BABAM2: variants seen among roughly 807,000 people sequenced by gnomAD.
BABAM2 encodes BRISC and BRCA1 A complex member 2, also known as BRISC and BRCA1-A complex member 2.
A neutral mutation model predicts 54.7 loss-of-function variants in BABAM2; 31 were observed. The ratio of observed to expected loss-of-function variants is 0.57; its 90% CI spans 0.43 to 0.77. The LOEUF (loss-of-function observed/expected upper bound fraction) is 0.77. Ranked by LOEUF, BABAM2 falls within the 30% of genes least tolerant of loss-of-function variation. BABAM2 has a pLI of 0.00. For missense variants in BABAM2, 364 were observed against 455.8 expected, an observed-to-expected ratio of 0.80 and a Z score of 1.83; for synonymous variants, 167 against 162.9, an observed-to-expected ratio of 1.03 and a Z score of -0.19.
intron 4 of BABAM2, among the ~76,000 whole-genome samples, chr2:28,012,229 A>G (rs923913660): frequency 6.6e-6 from 1 of 152,190 alleles, no homozygotes; most frequent in Non-Finnish European, 1.5e-5. Flanking sequence ...AAATTTAAAT[A>G]CTTCCCCAGG....
chr2:28,192,369 A>T (rs1677010857), intron 7 of BABAM2, among the ~76,000 whole-genome samples: 1 of 152,036 alleles, frequency 6.6e-6, no homozygotes, highest in Non-Finnish European at 1.5e-5. Flanking sequence ...GAGAAGCTGC[A>T]CACCAACATG....
chr2:28,024,050 A>G (rs371793943), intron 4 of BABAM2, among the ~76,000 whole-genome samples: 8 of 151,864 alleles, frequency 5.3e-5, no homozygotes, highest in African/African-American at 1.9e-4. Context: ...AGCTATACTC[A>G]TGGTTATTTT....
At chr2:28,253,784 C>G (rs1246321262) in intron 10 of BABAM2, among the ~76,000 whole-genome samples, 2 of 152,172 alleles carry the variant, frequency 1.3e-5, no homozygotes, top group Non-Finnish European at 2.9e-5. Context: ...TATCTCATCT[C>G]TCAGGAATGG....
At chr2:28,016,679 G>C (rs966103248) in intron 4 of BABAM2, among the ~76,000 whole-genome samples, 2 of 152,166 alleles carry the variant, frequency 1.3e-5, no homozygotes, top group Non-Finnish European at 2.9e-5. Flanking sequence ...GCTTACAAGG[G>C]GGAAGAGAAT....
intron 4 of BABAM2, among the ~76,000 whole-genome samples, chr2:28,011,162 A>G (rs1674365925): frequency 6.6e-6 from 1 of 152,178 alleles, no homozygotes; most frequent in African/African-American, 2.4e-5. Flanking sequence ...CAAGAGGGGA[A>G]TGGATGTTGG....
intron 8 of BABAM2, among the ~76,000 whole-genome samples, chr2:28,238,486 T>C (rs1217452173): frequency 6.6e-6 from 1 of 152,238 alleles, no homozygotes; most frequent in Non-Finnish European, 1.5e-5. Flanking sequence ...AGCTCACTTC[T>C]ATATAGAAAA....
At chr2:28,146,646 G>A (rs1176258781) in intron 7 of BABAM2, among the ~76,000 whole-genome samples, 1 of 152,152 alleles carries the variant, frequency 6.6e-6, no homozygotes, top group Non-Finnish European at 1.5e-5. Context: ...AATGTTGAGT[G>A]GCTGCAACTA....
intron 4 of BABAM2, chr2:28,016,579 T>G: frequency 1.8e-6 from 1 of 547,270 alleles, no homozygotes; most frequent in South Asian, 1.8e-5. Context: ...TCTAATTAAC[T>G]TCTGTACATC....
intron 7 of BABAM2, among the ~76,000 whole-genome samples, chr2:28,192,817 C>T (rs540027661): frequency 9.9e-5 from 15 of 152,060 alleles, no homozygotes; most frequent in Admixed American, 2.6e-4. Context: ...CCACCACGCC[C>T]GGCCTATAGC....
At chr2:28,177,730 A>G (rs1331314345) in intron 7 of BABAM2, among the ~76,000 whole-genome samples, 1 of 151,902 alleles carries the variant, frequency 6.6e-6, no homozygotes, top group African/African-American at 2.4e-5. Flanking sequence ...TGACCCAATT[A>G]TATGCTGCCT....
chr2:28,058,158 C>G (rs1468811379), intron 6 of BABAM2, among the ~76,000 whole-genome samples: 1 of 151,540 alleles, frequency 6.6e-6, no homozygotes, highest in Non-Finnish European at 1.5e-5. Context: ...AAAAAAGAAG[C>G]TAGACAGAAA....
In BABAM2 at chr2:28,034,557, T is replaced by C. The variant is rs138789444; in HGVS notation, c.495+9137T>C. Among the ~76,000 whole-genome samples the C allele has an allele frequency of 2.8e-3, 422 of 152,260 alleles. 2 individuals are homozygous for C. Among genetic ancestry groups the C allele is most frequent in the African/African-American group, 9.9e-3 (411 of 41,562 alleles). On this transcript the variant is annotated intron_variant, in intron 5 of 11. Transcript: ENST00000379624. Reference sequence around the variant, plus strand: ...TCATAAAGTTACCATATGTGACCAATAGAGGCTGTGACCTCCAAGGTGCAG... The same window carrying C: ...TCATAAAGTTACCATATGTGACCAACAGAGGCTGTGACCTCCAAGGTGCAG...
chr2:27,942,521 C>CA (rs1668973935), intron 3 of BABAM2, among the ~76,000 whole-genome samples: 1 of 150,652 alleles, frequency 6.6e-6, no homozygotes. Context: ...CCACCACACC[C>CA]GCTAATTTTT....
intron 9 of BABAM2, among the ~76,000 whole-genome samples, chr2:28,242,201 G>A (rs992146261): frequency 1.7e-4 from 26 of 152,158 alleles, no homozygotes; most frequent in Non-Finnish European, 3.2e-4. Context: ...GGACTCCACT[G>A]CCAACAGTGC....
intron 7 of BABAM2, among the ~76,000 whole-genome samples, chr2:28,150,057 G>T (rs1226918187): frequency 6.6e-6 from 1 of 152,228 alleles, no homozygotes; most frequent in East Asian, 1.9e-4. Context: ...AACAGCAGAA[G>T]AGAGAAGGAA....
chr2:27,972,151 C>T lies in BABAM2; in HGVS notation c.206-15842C>T, dbSNP rs531277147. Among the ~76,000 whole-genome samples the T allele has an allele frequency of 9.2e-5, 14 of 152,190 alleles. No homozygotes were observed. In the South Asian group the frequency reaches 2.1e-3, roughly 23 times the overall value. On this transcript the variant is annotated intron_variant, in intron 3 of 11. Coordinates refer to ENST00000379624, the MANE Select transcript of BABAM2 (RefSeq NM_199191.3). ...TTATCTCTGATACACATAAGAATCA[C>T]GTAGCTTAATTTCCTGAAAATTGTC...
At chr2:27,984,687 T>A (rs1364254658) in intron 3 of BABAM2, among the ~76,000 whole-genome samples, 1 of 152,100 alleles carries the variant, frequency 6.6e-6, no homozygotes, top group Non-Finnish European at 1.5e-5. Context: ...TCTCACATTT[T>A]ATTTTATTTT....
At chr2:27,979,618 A>G (rs970791666) in intron 3 of BABAM2, among the ~76,000 whole-genome samples, 2 of 152,068 alleles carry the variant, frequency 1.3e-5, no homozygotes, top group Non-Finnish European at 2.9e-5. Context: ...CAGCCTCACC[A>G]GCATTTTGTT....
In BABAM2 at chr2:28,241,359, G is replaced by A. The variant is rs1682412467; in HGVS notation, c.817G>A (p.Glu273Lys). The A allele has an allele frequency of 6.2e-7, 1 of 1,614,030 alleles. No individual in the cohort carries two copies. Among genetic ancestry groups the A allele is most frequent in the African/African-American group, 1.3e-5 (1 of 74,930 alleles). ...GATTCAAGGGTATCACAAAAGAAGA[G>A]AGTATATTGCTGCTTTTCTCAGTCA... ...YVIQGYHKRR[E>K]YIAAFLSHFG... is the part of the protein sequence containing the mutation. The change falls in exon 9 of 12, where the codon GAG becomes AAG. Residue 273 changes from glutamate to lysine, a missense_variant. Glu to Lys is a moderately conservative substitution (Grantham distance 56, BLOSUM62 1). Transcript: ENST00000379624.
Sources: gnomAD v4.1 joint callset for allele counts (sites outside exome capture counted in the v4.1 genomes callset) on GRCh38, gnomAD v4.1.1 for gene constraint, MANE v1.5 for transcripts, NCBI Gene and HGNC (gene_info 2026-07-23, HGNC 2026-07-21) for gene names.